SNX29: variants seen among roughly 807,000 people sequenced by gnomAD.
SNX29 encodes sorting nexin 29.
SNX29 carries 78 observed loss-of-function variants against 102.1 expected under a neutral mutation model. That is an observed-to-expected ratio of 0.76 (90% CI 0.64 to 0.92). SNX29 has a LOEUF of 0.92. SNX29 is among the 40% of genes least tolerant of loss of function. The probability of loss-of-function intolerance (pLI) is 0.00; values close to 1 mark genes in which losing one functional copy is unlikely to be tolerated. For missense variants in SNX29, 1,280 were observed against 1,061.7 expected, an observed-to-expected ratio of 1.21 and a Z score of -2.86; for synonymous variants, 580 against 414.5, an observed-to-expected ratio of 1.40 and a Z score of -4.85.
chr16:12,100,383 G>A (rs1182546151), intron 11 of SNX29, among the ~76,000 whole-genome samples: 2 of 152,152 alleles, frequency 1.3e-5, no homozygotes. Flanking sequence ...AGTGCCCAGC[G>A]TCCTCCAGGG....
chr16:12,227,665 T>G (rs830721), intron 14 of SNX29, among the ~76,000 whole-genome samples: 3 of 151,818 alleles, frequency 2.0e-5, no homozygotes, highest in African/African-American at 7.3e-5. Flanking sequence ...TTTGGCGGGC[T>G]GAGACAGGCA....
chr16:12,496,443 G>A (rs913183011), intron 19 of SNX29, among the ~76,000 whole-genome samples: 6 of 151,386 alleles, frequency 4.0e-5, no homozygotes, highest in African/African-American at 1.2e-4. Context: ...TGGGCCCTTC[G>A]CTGGAGCACA....
At chr16:12,359,904 A>G (rs1157536604) in intron 16 of SNX29, among the ~76,000 whole-genome samples, 1 of 152,074 alleles carries the variant, frequency 6.6e-6, no homozygotes, top group Non-Finnish European at 1.5e-5. Context: ...GCTCAATGCA[A>G]CCTCCGCCTC....
chr16:12,564,574 C>A (rs769076643), intron 20 of SNX29, among the ~76,000 whole-genome samples: 1 of 152,182 alleles, frequency 6.6e-6, no homozygotes, highest in Non-Finnish European at 1.5e-5. Flanking sequence ...GGATTGCCAT[C>A]CAGACGCCCC....
chr16:12,571,934 A>C lies in SNX29; in HGVS notation c.*3305A>C, dbSNP rs1005311929. The C allele has an allele frequency of 1.9e-6, 2 of 1,062,016 alleles. No individual in the cohort carries two copies. Among genetic ancestry groups the C allele is most frequent in the Non-Finnish European group, 2.3e-6 (2 of 877,252 alleles). The allele number at this position is 1,062,016 out of a possible 1,614,324, so 65.8% of individuals were successfully genotyped here. On this transcript the variant is annotated 3_prime_UTR_variant, in exon 21 of 21. Coordinates refer to ENST00000566228, the MANE Select transcript of SNX29 (RefSeq NM_032167.5). ...TACTGGCAGGCCCTGGTGAAGGAAG[A>C]CACTTTCAGGGAAGAGGCTCTTACA... is the stretch of plus-strand genomic sequence containing the variant.
intron 15 of SNX29, among the ~76,000 whole-genome samples, chr16:12,296,774 C>T (rs1567409788): frequency 1.3e-5 from 2 of 152,210 alleles, no homozygotes; most frequent in Non-Finnish European, 2.9e-5. Context: ...ATTTACTGCT[C>T]ATAAACACTT....
chr16:12,429,179 C>T (rs1356651751), intron 18 of SNX29, among the ~76,000 whole-genome samples: 1 of 152,204 alleles, frequency 6.6e-6, no homozygotes, highest in Non-Finnish European at 1.5e-5. Context: ...CCTAGTTAGT[C>T]CCACCACACA....
intron 20 of SNX29, chr16:12,556,561 G>C (rs2078363877): frequency 6.6e-6 from 1 of 152,270 alleles, no homozygotes; most frequent in African/African-American, 2.4e-5. Flanking sequence ...ATTTGCATTT[G>C]ATTCTGAACA....
At chr16:11,994,885 A>C (rs752618392) in intron 1 of SNX29, among the ~76,000 whole-genome samples, 1 of 152,120 alleles carries the variant, frequency 6.6e-6, no homozygotes, top group East Asian at 1.9e-4. Context: ...GCATGATCTC[A>C]TGCAGAAACC....
rs1020011552 is a variant in SNX29 at position 12,449,588 on chromosome 16, G to A, written c.2038-28131G>A. Among the ~76,000 whole-genome samples, 4 of 152,138 alleles carry A rather than the reference G, an allele frequency of 2.6e-5. 1 individual carries two copies. In the East Asian group the frequency reaches 5.8e-4, roughly 22 times the overall value. On this transcript the variant is annotated intron_variant, in intron 18 of 20. Transcript: ENST00000566228. ...GGCTGCAGGCACGGGTTGATCAGGG[G>A]CTCAAATGCAGCACCTCCCGTGCTC... is the stretch of plus-strand genomic sequence containing the variant.
chr16:12,179,066 G>A (rs1368199324), intron 13 of SNX29, among the ~76,000 whole-genome samples: 1 of 152,186 alleles, frequency 6.6e-6, no homozygotes, highest in East Asian at 1.9e-4. Context: ...GTGAAATGAT[G>A]AGGTATTTTA....
intron 15 of SNX29, among the ~76,000 whole-genome samples, chr16:12,281,202 T>C (rs1378905720): frequency 6.6e-6 from 1 of 152,236 alleles, no homozygotes; most frequent in Non-Finnish European, 1.5e-5. Flanking sequence ...GTGTATGCCA[T>C]TGTGCCCAGT....
intron 11 of SNX29, among the ~76,000 whole-genome samples, chr16:12,110,888 A>G (rs988139243): frequency 7.2e-5 from 11 of 151,840 alleles, no homozygotes; most frequent in Admixed American, 6.6e-4. Flanking sequence ...CAGTGGTGCG[A>G]TCATAGCCCA....
At chr16:12,301,393 G>T (rs2080169004) in intron 15 of SNX29, among the ~76,000 whole-genome samples, 1 of 152,114 alleles carries the variant, frequency 6.6e-6, no homozygotes, top group African/African-American at 2.4e-5. Context: ...AAGGGCCAGG[G>T]TTACTCCACC....
chr16:11,982,058 C>T (rs919193533), intron 1 of SNX29, among the ~76,000 whole-genome samples: 8 of 148,556 alleles, frequency 5.4e-5, no homozygotes, highest in African/African-American at 2.0e-4. Flanking sequence ...AAAAAAAAAG[C>T]AGGGTGTAGA....
chr16:12,554,894 G>C (rs1038761202), intron 20 of SNX29, among the ~76,000 whole-genome samples: 1 of 152,164 alleles, frequency 6.6e-6, no homozygotes, highest in Non-Finnish European at 1.5e-5. Flanking sequence ...TGCCATACAG[G>C]ACAGGCAGTG....
intron 3 of SNX29, among the ~76,000 whole-genome samples, chr16:12,025,821 C>T (rs1000662258): frequency 3.3e-5 from 5 of 152,036 alleles, no homozygotes; most frequent in South Asian, 2.1e-4. Flanking sequence ...GGATGTTTTT[C>T]GTGATGATAT....
chr16:12,385,246 G>A (rs1442173279), intron 16 of SNX29, among the ~76,000 whole-genome samples: 1 of 152,208 alleles, frequency 6.6e-6, no homozygotes, highest in Non-Finnish European at 1.5e-5. Flanking sequence ...CTTATTGGGG[G>A]ACACCTGAGC....
chr16:12,235,132 C>A (rs1367868691), intron 14 of SNX29, among the ~76,000 whole-genome samples: 1 of 152,044 alleles, frequency 6.6e-6, no homozygotes, highest in Non-Finnish European at 1.5e-5. Flanking sequence ...TTCTTCTAAG[C>A]TGTTGACCTT....
Sources: allele counts gnomAD v4.1 joint callset (sites outside exome capture counted in the v4.1 genomes callset), GRCh38; gene constraint gnomAD v4.1.1; transcripts MANE v1.5; gene names NCBI Gene and HGNC (gene_info 2026-07-23, HGNC 2026-07-21).